SMAD6: variants seen among roughly 807,000 people sequenced by gnomAD.
SMAD6 encodes the protein SMAD family member 6.
Under a neutral mutation model 39.4 loss-of-function variants are expected in SMAD6, and 103 were observed. That is an observed-to-expected ratio of 2.62 (90% confidence interval 2.23 to 3.08). The LOEUF (loss-of-function observed/expected upper bound fraction) is 3.08, where lower values mean the gene tolerates loss of function less well. Ranked by LOEUF, SMAD6 falls within the 30% of genes most tolerant of loss-of-function variation. The pLI is 0.00. For synonymous variants in SMAD6, 445 were observed against 353.3 expected (o/e 1.26, Z -2.91); for missense variants, 1,104 against 742.9 (o/e 1.49, Z -5.65).
At chr15:66,731,741 A>C (rs1893633533) in intron 3 of SMAD6, among the ~76,000 whole-genome samples, 1 of 152,210 alleles carries the variant, frequency 6.6e-6, no homozygotes, top group Non-Finnish European at 1.5e-5. Context: ...GTAAACGCCT[A>C]GGAGTAGGAT....
intron 3 of SMAD6, among the ~76,000 whole-genome samples, chr15:66,769,379 G>C (rs141772013): frequency 1.3e-3 from 197 of 152,308 alleles, no homozygotes; most frequent in African/African-American, 4.6e-3. Context: ...TCTCAGAGAT[G>C]TGGTCACCTG....
chr15:66,731,776 A>G (rs1039093794), intron 3 of SMAD6, among the ~76,000 whole-genome samples: 2 of 152,180 alleles, frequency 1.3e-5, no homozygotes, highest in African/African-American at 4.8e-5. Context: ...TTGAAAGTAC[A>G]TATAACTTTA....
In SMAD6 at chr15:66,781,231, A is replaced by C; in HGVS notation, c.1187A>C (p.Glu396Ala). The C allele has an allele frequency of 6.2e-7, 1 of 1,608,702 alleles. No homozygotes were observed. The highest frequency in any genetic ancestry group is 8.5e-7 in the Non-Finnish European group (1 of 1,179,638). The change falls in exon 4 of 4, where the codon GAG becomes GCG. Residue 396 changes from glutamate (E) to alanine (A), a missense_variant. Transcript: ENST00000288840. ...KIGFGILLSK[E>A]PDGVWAYNRG... ...GGCTTCGGCATCCTGCTCAGCAAGG[A>C]GCCCGACGGCGTGTGGGCCTACAAC...
At chr15:66,764,414 T>C (rs1450303150) in intron 3 of SMAD6, among the ~76,000 whole-genome samples, 1 of 152,174 alleles carries the variant, frequency 6.6e-6, no homozygotes, top group Non-Finnish European at 1.5e-5. Context: ...GTGGGATGCG[T>C]GCTTTATCCG....
chr15:66,773,515 C>T (rs771743909), intron 3 of SMAD6, among the ~76,000 whole-genome samples: 12 of 151,984 alleles, frequency 7.9e-5, no homozygotes, highest in Admixed American at 2.0e-4. Context: ...CTCCTTTTTC[C>T]CTCTAAGTTT....
At chr15:66,717,230 A>T in intron 3 of SMAD6, 1 of 937,698 alleles carries the variant, frequency 1.1e-6, no homozygotes. Context: ...GCCTGGTGGC[A>T]TGCTGGCTGG....
chr15:66,716,718 C>T (rs575323974), intron 3 of SMAD6, among the ~76,000 whole-genome samples: 1 of 152,326 alleles, frequency 6.6e-6, no homozygotes, highest in East Asian at 1.9e-4. Context: ...TTTAAAGCAC[C>T]TGTCTACCAC....
intron 3 of SMAD6, among the ~76,000 whole-genome samples, chr15:66,761,362 G>C (rs1240851727): frequency 6.6e-6 from 1 of 152,182 alleles, no homozygotes; most frequent in African/African-American, 2.4e-5. Context: ...TTCAGAATAG[G>C]AAACTTTGCC....
chr15:66,718,944 G>T (rs757584943), intron 3 of SMAD6, among the ~76,000 whole-genome samples: 2 of 152,208 alleles, frequency 1.3e-5, no homozygotes, highest in Non-Finnish European at 2.9e-5. Flanking sequence ...CAATGTGTTG[G>T]GCCAGGCCGG....
intron 3 of SMAD6, among the ~76,000 whole-genome samples, chr15:66,768,593 T>G (rs1477313074): frequency 6.6e-6 from 1 of 152,208 alleles, no homozygotes; most frequent in Non-Finnish European, 1.5e-5. Context: ...TCACACATAG[T>G]AAGCTCATTT....
chr15:66,712,688 CAAAAAAAAAA>C (rs775687604), intron 2 of SMAD6, among the ~76,000 whole-genome samples: 4 of 49,328 alleles, frequency 8.1e-5, no homozygotes, highest in Non-Finnish European at 1.3e-4. Flanking sequence ...AATTCTGTCT[CAAAAAAAAAA>C]AAAAAAAAAA....
chr15:66,704,159 C>A, intron 1 of SMAD6, 84 bp downstream of exon 1: 1 of 1,118,944 alleles, frequency 8.9e-7, no homozygotes, highest in South Asian at 2.2e-5. Flanking sequence ...CACTGCGGGT[C>A]GGCGCAGCTG....
At chr15:66,774,955 G>A (rs761879573) in intron 3 of SMAD6, among the ~76,000 whole-genome samples, 6 of 151,922 alleles carry the variant, frequency 3.9e-5, no homozygotes, top group Non-Finnish European at 8.8e-5. Flanking sequence ...TCCGCCTCCC[G>A]GGTTCTAGCG....
chr15:66,717,474 C>T (rs1204513410), intron 3 of SMAD6: 4 of 452,354 alleles, frequency 8.8e-6, no homozygotes, highest in African/African-American at 2.0e-5. Context: ...CTCTTCATCA[C>T]TGTTTTGTCC....
At chr15:66,758,832 T>C (rs1894148121) in intron 3 of SMAD6, among the ~76,000 whole-genome samples, 1 of 151,766 alleles carries the variant, frequency 6.6e-6, no homozygotes. Context: ...TGGAGAAAGG[T>C]TGAATCTAAA....
intron 3 of SMAD6, among the ~76,000 whole-genome samples, chr15:66,755,278 C>T (rs539743881): frequency 9.9e-4 from 151 of 152,298 alleles, no homozygotes; most frequent in Non-Finnish European, 1.8e-3. Flanking sequence ...GTTCACAGGA[C>T]GGTGCCAGGC....
At chr15:66,713,433 C>T (rs1893269364) in intron 2 of SMAD6, among the ~76,000 whole-genome samples, 1 of 152,222 alleles carries the variant, frequency 6.6e-6, no homozygotes, top group African/African-American at 2.4e-5. Flanking sequence ...GATTCTTCTG[C>T]CTCAGCCTCC....
In SMAD6 at chr15:66,743,881, G is replaced by T. The variant is rs113168046; in HGVS notation, c.952+27383G>T. On this transcript the variant is annotated intron_variant, in intron 3 of 3. Transcript: ENST00000288840. ...ACATAGTCTGTGATTTTTGATGGCT[G>T]CTTAGTATTCCATGCCATATTTACT... 1.5e-3 allele frequency among the ~76,000 whole-genome samples: 221 copies of T among 151,984 alleles called. 1 individual carries two copies. Among genetic ancestry groups the T allele is most frequent in the African/African-American group, 4.6e-3 (191 of 41,440 alleles).
At chr15:66,759,734 G>A (rs1894165902) in intron 3 of SMAD6, among the ~76,000 whole-genome samples, 1 of 152,214 alleles carries the variant, frequency 6.6e-6, no homozygotes, top group African/African-American at 2.4e-5. Context: ...GCTTTGTACA[G>A]TCCTAGAGTT....
Sources: allele counts gnomAD v4.1 joint callset (sites outside exome capture counted in the v4.1 genomes callset), GRCh38; gene constraint gnomAD v4.1.1; transcripts MANE v1.5; gene names NCBI Gene and HGNC (gene_info 2026-07-23, HGNC 2026-07-21).